The following TRAPPC10 variants were observed in gnomAD, a reference collection of about 807,000 sequenced individuals.
TRAPPC10 encodes trafficking protein particle complex subunit 10, also known as TRAPP 130 kDa subunit.
TRAPPC10 carries 23 observed loss-of-function variants against 125.5 expected under a neutral mutation model. That is an observed-to-expected ratio of 0.18 (90% CI 0.13 to 0.26). The LOEUF (loss-of-function observed/expected upper bound fraction) is 0.26, where lower values mean the gene tolerates loss of function less well. TRAPPC10 is among the 10% of genes least tolerant of loss of function. TRAPPC10 has a pLI of 1.00. For missense variants in TRAPPC10, 1,123 were observed against 1,308.4 expected (o/e 0.86, Z 2.19); for synonymous variants, 509 against 518.0 (o/e 0.98, Z 0.24).
intron 19 of TRAPPC10, 35 bp from the exon 20 acceptor site, chr21:44,094,028 G>C (rs1757240809): frequency 6.3e-7 from 1 of 1,598,516 alleles, no homozygotes; most frequent in Non-Finnish European, 8.5e-7. Flanking sequence ...CGGTTATGGT[G>C]CTGTGTGAGC....
Position 44,059,244 on chromosome 21 carries a change from T to G in TRAPPC10, c.790+30T>G. ...GTAGTGGCACTTCAGTAACGCATGCTTTTCTTAGTGTGGCTTTCTCCAACT... is the reference window on the plus strand; with the variant it reads ...GTAGTGGCACTTCAGTAACGCATGCGTTTCTTAGTGTGGCTTTCTCCAACT... On this transcript the variant is annotated intron_variant, in intron 6 of 22. Coordinates refer to ENST00000291574, the MANE Select transcript of TRAPPC10 (RefSeq NM_003274.5). This position sits in a 1 kb window ranked among gnomAD's most constrained non-coding sequence, Gnocchi z 4.4. 1 of 1,513,474 alleles carries G rather than the reference T, an allele frequency of 6.6e-7. No individual in the cohort carries two copies. 93.8% of individuals were successfully genotyped at this position (1,513,474 alleles called of 1,614,324 possible).
intron 7 of TRAPPC10, among the ~76,000 whole-genome samples, chr21:44,070,209 G>A (rs1178904680): frequency 6.6e-6 from 1 of 152,182 alleles, no homozygotes; most frequent in African/African-American, 2.4e-5. Flanking sequence ...GGTATCAAAA[G>A]AGAGAAGAAC....
intron 15 of TRAPPC10, among the ~76,000 whole-genome samples, chr21:44,086,158 C>T (rs1054822677): frequency 6.6e-6 from 1 of 152,238 alleles, no homozygotes; most frequent in Non-Finnish European, 1.5e-5. Flanking sequence ...GGCCCAGCGG[C>T]TGCAGTGCCA....
At position 44,055,862 on chromosome 21, in the gene TRAPPC10, G is replaced by T; in HGVS notation, c.647G>T (p.Gly216Val). 1.2e-6 allele frequency: 2 copies of T among 1,607,794 alleles called. No individual in the cohort carries two copies. Among genetic ancestry groups the T allele is most frequent in the Non-Finnish European group, 1.7e-6 (2 of 1,174,968 alleles). The change falls in exon 5 of 23, where the codon GGC (glycine) becomes GTC (valine). Residue 216 changes from glycine (G) to valine (V), a missense_variant. Physicochemically the swap from Gly to Val is moderately radical, Grantham distance 109. This residue lies in a region of TRAPPC10 where 15 missense variants were observed against 50.3 expected (regional missense o/e 0.30). Transcript: ENST00000291574. The part of the protein sequence containing the change: ...RTLREKRTEP[G>V]WSFCEYFMVQ... ...TTGAGGGAGAAGAGGACTGAGCCAGGCTGGAGCTTTTGTGAATATTTCATG... is the reference window on the plus strand; with the variant it reads ...TTGAGGGAGAAGAGGACTGAGCCAGTCTGGAGCTTTTGTGAATATTTCATG...
chr21:44,067,162 C>T (rs905456100), intron 7 of TRAPPC10, among the ~76,000 whole-genome samples: 1 of 152,130 alleles, frequency 6.6e-6, no homozygotes, highest in African/African-American at 2.4e-5. Context: ...GCCTGTGGCA[C>T]GGAGGAACCG....
At chr21:44,061,040 C>G (rs754943131) in intron 6 of TRAPPC10, among the ~76,000 whole-genome samples, 19 of 151,988 alleles carry the variant, frequency 1.3e-4, no homozygotes, top group Non-Finnish European at 2.2e-4. Context: ...TGATTTCAAG[C>G]GATTCTCTTG....
chr21:44,015,384 C>G (rs942217788), intron 1 of TRAPPC10, among the ~76,000 whole-genome samples: 9 of 152,096 alleles, frequency 5.9e-5, no homozygotes, highest in Admixed American at 1.3e-4. Flanking sequence ...TAGATTATTA[C>G]TTTAAAACCT....
chr21:44,080,827 C>A (rs1446542254), intron 13 of TRAPPC10, among the ~76,000 whole-genome samples: 6 of 151,560 alleles, frequency 4.0e-5, no homozygotes, highest in African/African-American at 1.5e-4. Context: ...ATGTGAGCCA[C>A]CGCACCCAGT....
intron 7 of TRAPPC10, among the ~76,000 whole-genome samples, chr21:44,069,293 A>G (rs1160623386): frequency 6.6e-6 from 1 of 152,174 alleles, no homozygotes; most frequent in Non-Finnish European, 1.5e-5. Flanking sequence ...AAGGGCCCTT[A>G]CTCCAGGGCG....
intron 1 of TRAPPC10, among the ~76,000 whole-genome samples, chr21:44,023,613 A>G (rs1263050049): frequency 6.6e-6 from 1 of 152,138 alleles, no homozygotes; most frequent in Non-Finnish European, 1.5e-5. Context: ...TGAACATTTA[A>G]TGCCCTGATC....
intron 7 of TRAPPC10, among the ~76,000 whole-genome samples, chr21:44,074,051 T>G (rs1387670277): frequency 6.6e-6 from 1 of 152,178 alleles, no homozygotes; most frequent in Non-Finnish European, 1.5e-5. Flanking sequence ...CTTAATAAGG[T>G]TTTCAAAAAT....
chr21:44,076,400 C>T, intron 9 of TRAPPC10, 152 bp from the exon 10 acceptor site: 1 of 593,494 alleles, frequency 1.7e-6, no homozygotes, highest in Non-Finnish European at 3.0e-6. Context: ...AGAGAATGTA[C>T]ATAATCATGT....
rs1456537558 is a variant in TRAPPC10 at position 44,087,720 on chromosome 21, T to G, written c.2561T>G (p.Leu854Arg). ...NTREQSSEAA[L>R]RIQSSDKVTS... ...GTAGAACAGTCTTCTGAGGCCGCGCTCCGGATTCAGTCCTCCGACAAGGTC... is the reference window on the plus strand; with the variant it reads ...GTAGAACAGTCTTCTGAGGCCGCGCGCCGGATTCAGTCCTCCGACAAGGTC... Residue 854 changes from leucine (L) to arginine (R), a missense_variant, in exon 17 of 23, where the codon CTC (leucine) becomes CGC (arginine). Physicochemically the swap from Leu to Arg is moderately radical, Grantham distance 102 (BLOSUM62 -2). Transcript: ENST00000291574. The surrounding 1 kb of genome is among the most constrained non-coding windows in gnomAD (Gnocchi z 4.6). The G allele has an allele frequency of 6.2e-7, 1 of 1,613,950 alleles. No individual in the cohort carries two copies. The highest frequency in any genetic ancestry group is 8.5e-7 in the Non-Finnish European group (1 of 1,180,040).
chr21:44,021,565 C>T (rs974925669), intron 1 of TRAPPC10, among the ~76,000 whole-genome samples: 4 of 152,188 alleles, frequency 2.6e-5, no homozygotes, highest in Non-Finnish European at 5.9e-5. Flanking sequence ...CTTCTCTATA[C>T]CCCTCATTCT....
In TRAPPC10 at chr21:44,086,851, C is replaced by A. The variant is rs138401700; in HGVS notation, c.2430C>A (p.Thr810=). 6.2e-7 allele frequency: 1 copy of A among 1,614,174 alleles called. No individual in the cohort carries two copies. ...IPQRVKFTVT[T]GHYTIKNGDS... is the part of the protein sequence containing the mutation. ...AGAGAGTCAAGTTCACTGTCACTACCGGCCATTATACGATAAAGAATGGAG... is the reference window on the plus strand; with the variant it reads ...AGAGAGTCAAGTTCACTGTCACTACAGGCCATTATACGATAAAGAATGGAG... Residue 810 remains threonine, a synonymous_variant, in exon 16 of 23, where the codon ACC becomes ACA. Coordinates refer to ENST00000291574, the MANE Select transcript of TRAPPC10 (RefSeq NM_003274.5).
At chr21:44,028,955 C>G (rs1569147077) in intron 1 of TRAPPC10, among the ~76,000 whole-genome samples, 1 of 152,202 alleles carries the variant, frequency 6.6e-6, no homozygotes, top group East Asian at 1.9e-4. Context: ...CCGCAGAGCT[C>G]TAGTGACTTT....
intron 3 of TRAPPC10, among the ~76,000 whole-genome samples, chr21:44,042,050 C>T (rs1315629731): frequency 1.3e-5 from 2 of 152,004 alleles, no homozygotes; most frequent in African/African-American, 4.8e-5. Context: ...TGTGCTTTCT[C>T]TCTTTCTTCC....
intron 1 of TRAPPC10, among the ~76,000 whole-genome samples, chr21:44,022,983 C>A (rs1019490561): frequency 6.6e-6 from 1 of 150,598 alleles, no homozygotes; most frequent in Non-Finnish European, 1.5e-5. Context: ...ATCACTAATT[C>A]CCTAAAGGTT....
chr21:44,095,903 A>G (rs1302070201), intron 20 of TRAPPC10, among the ~76,000 whole-genome samples: 2 of 149,370 alleles, frequency 1.3e-5, no homozygotes, highest in Non-Finnish European at 1.5e-5. Flanking sequence ...TATCTATTCA[A>G]TTCTCCTGGT....
Sources: gnomAD v4.1 joint callset for allele counts (sites outside exome capture counted in the v4.1 genomes callset) on GRCh38, gnomAD v4.1.1 for gene constraint, gnomAD v4.1.1 regional missense constraint, Gnocchi (gnomAD v3.1) non-coding constraint, MANE v1.5 for transcripts, NCBI Gene and HGNC (gene_info 2026-07-23, HGNC 2026-07-21) for gene names.